Variants in CRYAB observed in about 807,000 individuals in gnomAD.
CRYAB encodes crystallin alpha B.
CRYAB carries 9 observed loss-of-function variants against 12.7 expected under a neutral mutation model. The ratio of observed to expected loss-of-function variants is 0.71; its 90% CI spans 0.43 to 1.24. CRYAB has a LOEUF of 1.24. CRYAB is among the 50% of genes most tolerant of loss of function. The pLI is 0.00. For synonymous variants in CRYAB, 93 were observed against 86.8 expected (o/e 1.07, Z -0.40); for missense variants, 183 against 226.6 (o/e 0.81, Z 1.24).
chr11:111,914,747 G>A (rs1965571198), upstream of CRYAB, among the ~76,000 whole-genome samples: 1 of 152,132 alleles, frequency 6.6e-6, no homozygotes, highest in Admixed American at 6.5e-5. Flanking sequence ...TATTTCATTA[G>A]GCTGTGGTAG....
rs199510583 is a variant in CRYAB, at chr11:111,911,650, G to C, written c.75C>G (p.Asp25Glu). ...CCAACAGGTGCTCTCCGAAGAACTG[G>C]TCAAAGAGGCGGCTGGGGGAGTGGA... ...FPFHSPSRLF[D>E]QFFGEHLLES... Residue 25 changes from aspartate to glutamate, a missense_variant, in exon 1 of 3, where the codon GAC becomes GAG. By Grantham distance (45) the Asp-to-Glu change is conservative. Around this residue, in one of 3 missense-constraint regions of CRYAB, gnomAD observed 86 missense variants for 96.1 expected, o/e 0.89. Transcript: ENST00000650687. 7 of 1,611,024 alleles carry C rather than the reference G, an allele frequency of 4.3e-6. No homozygotes were observed.
chr11:111,913,733 C>T (rs200672845), upstream of CRYAB: 79 of 1,614,120 alleles, frequency 4.9e-5, no homozygotes, highest in African/African-American at 1.0e-3. Flanking sequence ...ATGTCGACCC[C>T]TGGCGAGTCC....
chr11:111,923,117 G>C (rs1965726569), intron 1 of CRYAB, among the ~76,000 whole-genome samples: 1 of 152,196 alleles, frequency 6.6e-6, no homozygotes, highest in South Asian at 2.1e-4. Flanking sequence ...AGTAGGTAAA[G>C]AGTAGTAACA....
At chr11:111,919,132 T>G in intron 1 of CRYAB, 2 of 1,044,760 alleles carry the variant, frequency 1.9e-6, no homozygotes, top group South Asian at 1.5e-5. Flanking sequence ...GCCTGGTACC[T>G]CCTTGTTCCA....
upstream of CRYAB, chr11:111,913,883 A>T: frequency 1.2e-6 from 2 of 1,607,722 alleles, no homozygotes; most frequent in Non-Finnish European, 1.7e-6. Context: ...AGGCAGCCAT[A>T]GTTGAGCCCT....
At chr11:111,921,480 A>G (rs1031135535) in intron 1 of CRYAB, among the ~76,000 whole-genome samples, 2 of 152,254 alleles carry the variant, frequency 1.3e-5, no homozygotes. Flanking sequence ...AAGTTAGTAA[A>G]AAAGGCCCTT....
chr11:111,912,983 C>T (rs1482400859), upstream of CRYAB: 5 of 1,139,336 alleles, frequency 4.4e-6, no homozygotes, highest in Non-Finnish European at 5.9e-6. Flanking sequence ...TCTGGGCTGA[C>T]CTCCCAACGT....
intron 1 of CRYAB, chr11:111,918,954 C>T (rs782411193): frequency 8.7e-6 from 14 of 1,614,050 alleles, no homozygotes. Flanking sequence ...CAGCTGGGCT[C>T]CCTTGGAGAC....
At chr11:111,912,688 C>CCCA, upstream of CRYAB, 4 of 533,976 alleles carry the variant, frequency 7.5e-6, no homozygotes, top group South Asian at 3.8e-5. Flanking sequence ...CCCTCCCCCC[C>CCCA]CAAGAGGCTC....
upstream of CRYAB, among the ~76,000 whole-genome samples, chr11:111,915,465 T>G (rs1555166055): frequency 6.6e-6 from 1 of 152,248 alleles, no homozygotes; most frequent in East Asian, 1.9e-4. Flanking sequence ...TTATAAAAAC[T>G]ATTAGCTTTT....
intron 1 of CRYAB, among the ~76,000 whole-genome samples, chr11:111,921,815 G>T (rs892204242): frequency 2.0e-5 from 3 of 151,700 alleles, no homozygotes; most frequent in African/African-American, 7.2e-5. Flanking sequence ...ATCCCATGAG[G>T]TCTGAATTAT....
chr11:111,915,458 T>C (rs587641463), upstream of CRYAB, among the ~76,000 whole-genome samples: 12 of 152,364 alleles, frequency 7.9e-5, no homozygotes, highest in East Asian at 2.3e-3. Context: ...ATATAAATTA[T>C]AAAAACTATT....
intron 2 of CRYAB, 190 bp downstream of exon 2, chr11:111,910,137 G>T: frequency 1.3e-6 from 1 of 750,200 alleles, no homozygotes; most frequent in South Asian, 1.5e-5. Flanking sequence ...CCACATCTCT[G>T]GCCATAATAG....
In CRYAB at chr11:111,919,967, G is replaced by A. The variant is rs1055787897; in HGVS notation, c.-199+3736C>T. ...TCCCAGAACTTTGGGAGGCCGAGGC[G>A]GGTGGATCACGAGGTCAGGAGATCG... On this transcript the variant is annotated intron_variant, in intron 1 of 3. Transcript: ENST00000527950. Among the ~76,000 whole-genome samples the A allele has an allele frequency of 8.6e-5, 13 of 151,496 alleles. No homozygotes were observed. In the East Asian group the frequency reaches 1.8e-3, roughly 21 times the overall value.
At chr11:111,913,719 G>A (rs1965546842), upstream of CRYAB, 2 of 1,613,986 alleles carry the variant, frequency 1.2e-6, no homozygotes, top group South Asian at 2.2e-5. Context: ...TGTCCTGCCT[G>A]CTGATGTCGA....
upstream of CRYAB, chr11:111,912,988 C>A: frequency 3.1e-6 from 4 of 1,300,108 alleles, no homozygotes; most frequent in Non-Finnish European, 4.3e-6. Flanking sequence ...GCTGACCTCC[C>A]AACGTTGCTG....
chr11:111,911,486 A>T (rs1375322485), intron 1 of CRYAB, 38 bp downstream of exon 1: 3 of 1,575,134 alleles, frequency 1.9e-6, no homozygotes, highest in Non-Finnish European at 2.6e-6. Context: ...AGGAGGTTCC[A>T]GTAAGGACTC....
chr11:111,909,651 G>A (rs1785424889), intron 2 of CRYAB: 1 of 201,648 alleles, frequency 5.0e-6, no homozygotes, highest in Non-Finnish European at 1.0e-5. Flanking sequence ...ACAGGCTCTC[G>A]TTAACTGATT....
intron 2 of CRYAB, chr11:111,910,034 C>G (rs1965403474): frequency 1.6e-6 from 1 of 617,918 alleles, no homozygotes. Context: ...TGAAAGTTCC[C>G]CTGGTGATTC....
Sources: allele counts gnomAD v4.1 joint callset (sites outside exome capture counted in the v4.1 genomes callset), GRCh38; gene constraint gnomAD v4.1.1; regional missense constraint gnomAD v4.1.1; transcripts MANE v1.5; gene names NCBI Gene and HGNC (gene_info 2026-07-23, HGNC 2026-07-21).